The following DACH1 variants were observed in gnomAD, a reference collection of about 807,000 sequenced individuals.
DACH1 encodes the protein dachshund homolog 1.
In DACH1, 12 loss-of-function variants were observed where a neutral mutation model predicts 54.2. The ratio of observed to expected loss-of-function variants is 0.22; its 90% CI spans 0.14 to 0.36. DACH1 has a LOEUF of 0.36. Among genes scored for constraint, DACH1 ranks in the 10% least tolerant of loss-of-function variants. The pLI is 1.00. For synonymous variants in DACH1, 386 were observed against 366.2 expected (o/e 1.05, Z -0.62); for missense variants, 805 against 929.8 (o/e 0.87, Z 1.75).
intron 1 of DACH1, among the ~76,000 whole-genome samples, chr13:71,858,414 A>G (rs1232151519): frequency 6.6e-6 from 1 of 151,760 alleles, no homozygotes; most frequent in Non-Finnish European, 1.5e-5. Flanking sequence ...ACCAATCAAC[A>G]TCAACCAATG....
At chr13:71,604,397 C>T (rs985388006) in intron 3 of DACH1, among the ~76,000 whole-genome samples, 4 of 151,836 alleles carry the variant, frequency 2.6e-5, no homozygotes, top group Admixed American at 1.3e-4. Context: ...AGTGGAACTT[C>T]ACTACTTTGA....
intron 1 of DACH1, among the ~76,000 whole-genome samples, chr13:71,789,082 C>T (rs1369192735): frequency 6.6e-6 from 1 of 152,134 alleles, no homozygotes; most frequent in African/African-American, 2.4e-5. Flanking sequence ...GTATTCAGTT[C>T]ACAAGATTCC....
At chr13:71,651,560 C>G (rs1156685634) in intron 2 of DACH1, among the ~76,000 whole-genome samples, 1 of 151,990 alleles carries the variant, frequency 6.6e-6, no homozygotes, top group Non-Finnish European at 1.5e-5. Flanking sequence ...ACTTGGGATA[C>G]TGAGGTGGGA....
rs398023338 is a variant in DACH1 at position 71,692,506 on chromosome 13, C to CTTTTTTTTTTTTTT, written c.849-10610_849-10597dup. On this transcript the variant is annotated intron_variant, in intron 1 of 10. Transcript: ENST00000613252. ...CCTTTCTTTTTCTTTCTTTTCTTTC[C>CTTTTTTTTTTTTTT]TTTTTTTTTTTTTTTTTTTTTTTTT... Among the ~76,000 whole-genome samples the CTTTTTTTTTTTTTT allele has an allele frequency of 2.3e-4, 10 of 44,438 alleles. 2 individuals are homozygous for CTTTTTTTTTTTTTT. Among genetic ancestry groups the CTTTTTTTTTTTTTT allele is most frequent in the Admixed American group, 8.8e-4 (2 of 2,280 alleles). The allele number at this position is 44,438 out of a possible 152,430, so 29.2% of individuals were successfully genotyped here.
intron 1 of DACH1, among the ~76,000 whole-genome samples, chr13:71,806,943 T>G (rs1216025005): frequency 2.0e-5 from 3 of 152,170 alleles, no homozygotes; most frequent in Non-Finnish European, 1.5e-5. Flanking sequence ...AGAGATGAGT[T>G]TACATTACAA....
At chr13:71,825,128 A>G (rs1042919725) in intron 1 of DACH1, among the ~76,000 whole-genome samples, 1 of 152,118 alleles carries the variant, frequency 6.6e-6, no homozygotes, top group African/African-American at 2.4e-5. Flanking sequence ...AAACGAAATA[A>G]CAAAAAAGAT....
At chr13:71,809,130 T>C (rs1874367694) in intron 1 of DACH1, among the ~76,000 whole-genome samples, 1 of 152,206 alleles carries the variant, frequency 6.6e-6, no homozygotes, top group African/African-American at 2.4e-5. Context: ...ACTTCATGAC[T>C]ATCTAAATCT....
chr13:71,838,916 A>G (rs1280123490), intron 1 of DACH1, among the ~76,000 whole-genome samples: 5 of 152,222 alleles, frequency 3.3e-5, no homozygotes, highest in Admixed American at 1.3e-4. Flanking sequence ...GAATTCTGTT[A>G]ACAGAGCTTT....
At chr13:71,563,544 T>G (rs911950576) in intron 4 of DACH1, among the ~76,000 whole-genome samples, 1 of 151,938 alleles carries the variant, frequency 6.6e-6, no homozygotes, top group Non-Finnish European at 1.5e-5. Context: ...GAAAAATGCT[T>G]TATTAGTCAA....
intron 1 of DACH1, among the ~76,000 whole-genome samples, chr13:71,697,318 T>A (rs963072653): frequency 6.6e-6 from 1 of 152,208 alleles, no homozygotes; most frequent in African/African-American, 2.4e-5. Flanking sequence ...TGAATCAACA[T>A]TGTCTTAGCA....
chr13:71,694,195 AACACACAC>A (rs374382945), intron 1 of DACH1, among the ~76,000 whole-genome samples: 39 of 150,636 alleles, frequency 2.6e-4, no homozygotes, highest in Middle Eastern at 3.4e-3. Flanking sequence ...GAAACCTGTA[AACACACAC>A]ACACACACAC....
intron 1 of DACH1, among the ~76,000 whole-genome samples, chr13:71,698,692 G>A (rs185342035): frequency 6.6e-6 from 1 of 152,134 alleles, no homozygotes; most frequent in Admixed American, 6.5e-5. Flanking sequence ...GTCCATTGTA[G>A]ATTTTTATGT....
At chr13:71,496,386 A>ATAAAT (rs1451796212) in intron 6 of DACH1, among the ~76,000 whole-genome samples, 1 of 149,708 alleles carries the variant, frequency 6.7e-6, no homozygotes, top group Non-Finnish European at 1.5e-5. Flanking sequence ...CTATTCAGCC[A>ATAAAT]TAAATAAGAA....
chr13:71,491,739 C>T (rs1878998991), intron 6 of DACH1, among the ~76,000 whole-genome samples: 1 of 152,122 alleles, frequency 6.6e-6, no homozygotes, highest in Non-Finnish European at 1.5e-5. Flanking sequence ...ATAAAGTTGT[C>T]ATCTTGTGGC....
chr13:71,820,295 C>T (rs900736230), intron 1 of DACH1, among the ~76,000 whole-genome samples: 2 of 152,070 alleles, frequency 1.3e-5, no homozygotes, highest in South Asian at 4.2e-4. Flanking sequence ...TATCACCATA[C>T]CATTATCCTA....
At chr13:71,678,054 C>A (rs1247895867) in intron 2 of DACH1, among the ~76,000 whole-genome samples, 1 of 152,154 alleles carries the variant, frequency 6.6e-6, no homozygotes, top group African/African-American at 2.4e-5. Context: ...CTAAATTAAT[C>A]CATTTTCTTT....
At chr13:71,857,413 T>A (rs1874071146) in intron 1 of DACH1, among the ~76,000 whole-genome samples, 1 of 151,800 alleles carries the variant, frequency 6.6e-6, no homozygotes, top group Non-Finnish European at 1.5e-5. Flanking sequence ...TTTTCCTAAG[T>A]TATTTGTCCT....
intron 1 of DACH1, among the ~76,000 whole-genome samples, chr13:71,763,796 G>A (rs1043706078): frequency 6.6e-6 from 1 of 152,164 alleles, no homozygotes; most frequent in African/African-American, 2.4e-5. Context: ...AAAGGCACAT[G>A]CTCAGCAGAA....
chr13:71,659,996 T>C (rs1879387101), intron 2 of DACH1, among the ~76,000 whole-genome samples: 1 of 152,148 alleles, frequency 6.6e-6, no homozygotes, highest in Non-Finnish European at 1.5e-5. Context: ...CAAGAACCAA[T>C]ATCCATGGTC....
Sources: gnomAD v4.1 joint callset for allele counts (sites outside exome capture counted in the v4.1 genomes callset) on GRCh38, gnomAD v4.1.1 for gene constraint, MANE v1.5 for transcripts, NCBI Gene and HGNC (gene_info 2026-07-23, HGNC 2026-07-21) for gene names.